KCND3: variants seen among roughly 807,000 people sequenced by gnomAD.
KCND3 encodes potassium voltage-gated channel subfamily D member 3.
KCND3 carries 9 observed loss-of-function variants against 51.1 expected under a neutral mutation model. The ratio of observed to expected loss-of-function variants is 0.18; its 90% CI spans 0.11 to 0.31. The LOEUF is 0.31. Ranked by LOEUF, KCND3 falls within the 10% of genes least tolerant of loss-of-function variation. KCND3 has a pLI of 1.00. For missense variants in KCND3, 526 were observed against 903.8 expected, an observed-to-expected ratio of 0.58 and a Z score of 5.36; for synonymous variants, 349 against 368.0, an observed-to-expected ratio of 0.95 and a Z score of 0.59.
intron 2 of KCND3, among the ~76,000 whole-genome samples, chr1:111,840,839 C>T (rs778594441): frequency 9.2e-5 from 14 of 152,186 alleles, no homozygotes; most frequent in Non-Finnish European, 2.1e-4. Flanking sequence ...CGTGGCTGCT[C>T]CTCTAGCTTC....
At position 111,777,285 on chromosome 1, in the gene KCND3, A is replaced by G; in HGVS notation, c.1519-12T>C. ...ATAAACTCGTGGTTCTGCGGGAGGC[A>G]GAAGGAGAAGAAGTAGGAAAAGGAG... On this transcript the variant is annotated splice_polypyrimidine_tract_variant and intron_variant, in intron 6 of 7. Coordinates refer to ENST00000302127, the MANE Select transcript of KCND3 (RefSeq NM_001378969.1). 6.2e-7 allele frequency: 1 copy of G among 1,614,022 alleles called. No individual in the cohort carries two copies. Among genetic ancestry groups the G allele is most frequent in the Non-Finnish European group, 8.5e-7 (1 of 1,179,950 alleles).
intron 2 of KCND3, among the ~76,000 whole-genome samples, chr1:111,930,833 G>GGAAATGA (rs1671934697): frequency 6.6e-6 from 1 of 152,204 alleles, no homozygotes; most frequent in South Asian, 2.1e-4. Context: ...ACCGTGACAT[G>GGAAATGA]CTGGAAATGC....
At chr1:111,923,328 C>T (rs1382298345) in intron 2 of KCND3, among the ~76,000 whole-genome samples, 1 of 152,204 alleles carries the variant, frequency 6.6e-6, no homozygotes, top group East Asian at 1.9e-4. Context: ...GCTTCCCTTG[C>T]CAGCACAGTC....
At chr1:111,845,667 A>G (rs749175866) in intron 2 of KCND3, among the ~76,000 whole-genome samples, 13 of 152,186 alleles carry the variant, frequency 8.5e-5, no homozygotes, top group Admixed American at 5.2e-4. Flanking sequence ...AACTCTATGG[A>G]ATACTCACAA....
intron 2 of KCND3, among the ~76,000 whole-genome samples, chr1:111,923,716 A>G (rs1158304763): frequency 6.6e-6 from 1 of 152,210 alleles, no homozygotes; most frequent in Non-Finnish European, 1.5e-5. Flanking sequence ...AAAAACCAAC[A>G]GGGCCCTGCT....
At chr1:111,909,680 T>C (rs1454837984) in intron 2 of KCND3, 1 of 152,218 alleles carries the variant, frequency 6.6e-6, no homozygotes, top group Non-Finnish European at 1.5e-5. Context: ...AAAGTCCTGT[T>C]GTCAAGACCT....
intron 2 of KCND3, among the ~76,000 whole-genome samples, chr1:111,961,810 G>T (rs1248294359): frequency 1.3e-5 from 2 of 152,176 alleles, no homozygotes; most frequent in African/African-American, 4.8e-5. Flanking sequence ...CTAATACTGG[G>T]GCTATCGCCT....
chr1:111,788,185 T>G (rs1360651029), intron 2 of KCND3, among the ~76,000 whole-genome samples: 12 of 152,242 alleles, frequency 7.9e-5, no homozygotes, highest in African/African-American at 2.9e-4. Flanking sequence ...CCACAGTGGT[T>G]AAGTGTTTAG....
At chr1:111,859,086 G>A (rs965924903) in intron 2 of KCND3, among the ~76,000 whole-genome samples, 2 of 152,124 alleles carry the variant, frequency 1.3e-5, no homozygotes, top group African/African-American at 2.4e-5. Context: ...TTTCAAAAAA[G>A]CAAATTTGAT....
At chr1:111,879,911 C>T (rs1669226612) in intron 2 of KCND3, among the ~76,000 whole-genome samples, 1 of 152,198 alleles carries the variant, frequency 6.6e-6, no homozygotes, top group Non-Finnish European at 1.5e-5. Flanking sequence ...CCAGCTCTAA[C>T]ACTTACTACC....
intron 2 of KCND3, among the ~76,000 whole-genome samples, chr1:111,809,483 T>C (rs1665741339): frequency 6.6e-6 from 1 of 152,102 alleles, no homozygotes; most frequent in African/African-American, 2.4e-5. Context: ...TAATTTTTTG[T>C]ATTTTTAGTA....
intron 2 of KCND3, among the ~76,000 whole-genome samples, chr1:111,862,750 G>C (rs903669209): frequency 6.6e-6 from 1 of 152,174 alleles, no homozygotes; most frequent in Non-Finnish European, 1.5e-5. Context: ...ACTCTCACAG[G>C]GTTGTTTTGA....
At chr1:111,853,544 C>G (rs541595065) in intron 2 of KCND3, among the ~76,000 whole-genome samples, 33 of 152,302 alleles carry the variant, frequency 2.2e-4, no homozygotes, top group African/African-American at 7.7e-4. Flanking sequence ...TAATTTGAAT[C>G]ACAAAGCCCA....
At chr1:111,786,156 T>C (rs1664596067) in intron 3 of KCND3, among the ~76,000 whole-genome samples, 1 of 152,208 alleles carries the variant, frequency 6.6e-6, no homozygotes, top group Non-Finnish European at 1.5e-5. Flanking sequence ...GGAAAGTCAC[T>C]ACCCAGGAAC....
At chr1:111,804,974 C>T (rs184800237) in intron 2 of KCND3, among the ~76,000 whole-genome samples, 3 of 152,292 alleles carry the variant, frequency 2.0e-5, no homozygotes, top group African/African-American at 7.2e-5. Flanking sequence ...TCCCATGCTC[C>T]CCTGAGGGCC....
At chr1:111,776,462 C>G (rs142379128) in intron 7 of KCND3, among the ~76,000 whole-genome samples, 184 bp from the exon 8 acceptor site, 106 of 152,296 alleles carry the variant, frequency 7.0e-4, no homozygotes, top group African/African-American at 2.4e-3. Flanking sequence ...CCAGAAATTA[C>G]CAAGTTGTAT....
chr1:111,832,593 C>T (rs1666885690), intron 2 of KCND3, among the ~76,000 whole-genome samples: 1 of 152,138 alleles, frequency 6.6e-6, no homozygotes, highest in Non-Finnish European at 1.5e-5. Flanking sequence ...GCAGGGAAAG[C>T]TGAGCCCCTG....
intron 2 of KCND3, among the ~76,000 whole-genome samples, chr1:111,967,192 G>C (rs1431047260): frequency 6.6e-6 from 1 of 151,838 alleles, no homozygotes; most frequent in African/African-American, 2.4e-5. Flanking sequence ...ACGGGGTCGG[G>C]GGGTAAACTC....
chr1:111,972,915 C>G (rs1025341745), intron 2 of KCND3, among the ~76,000 whole-genome samples: 1 of 152,154 alleles, frequency 6.6e-6, no homozygotes, highest in Non-Finnish European at 1.5e-5. Flanking sequence ...TCTTAGTTTT[C>G]TTTTCTGCTT....
Sources: gnomAD v4.1 joint callset for allele counts (sites outside exome capture counted in the v4.1 genomes callset) on GRCh38, gnomAD v4.1.1 for gene constraint, MANE v1.5 for transcripts, NCBI Gene and HGNC (gene_info 2026-07-23, HGNC 2026-07-21) for gene names.